AK3: variants seen among roughly 807,000 people sequenced by gnomAD.
AK3 encodes the protein adenylate kinase 3.
Under a neutral mutation model 23.7 loss-of-function variants are expected in AK3, and 27 were observed. The observed-to-expected ratio is 1.14, with a 90% confidence interval of 0.84 to 1.57. The LOEUF (loss-of-function observed/expected upper bound fraction) is 1.57. AK3 is among the 40% of genes most tolerant of loss of function. The pLI is 0.00. For synonymous variants in AK3, 159 were observed against 116.0 expected (o/e 1.37, Z -2.38); for missense variants, 406 against 285.6 (o/e 1.42, Z -3.04).
At chr9:4,741,204 CG>C (rs945145584), upstream of AK3, 1 of 1,170,952 alleles carries the variant, frequency 8.5e-7, no homozygotes, top group African/African-American at 1.6e-5. Context: ...GCGGCTACTG[CG>C]GTTCCCCGGC....
intron 1 of AK3, among the ~76,000 whole-genome samples, chr9:4,727,961 G>C (rs973674244): frequency 2.0e-5 from 3 of 152,078 alleles, no homozygotes; most frequent in Admixed American, 6.6e-5. Flanking sequence ...GCTGGTTAGT[G>C]GAACAGTCAG....
Position 4,722,576 on chromosome 9 carries a change from T to C in AK3, c.201A>G (p.Pro67=). The C allele has an allele frequency of 6.2e-7, 1 of 1,614,228 alleles. No homozygotes were observed. Among genetic ancestry groups the C allele is most frequent in the Non-Finnish European group, 8.5e-7 (1 of 1,180,034 alleles). The change falls in exon 2 of 5, where the codon CCA becomes CCG. Residue 67 remains proline (P), a synonymous_variant. Transcript: ENST00000381809. The part of the protein sequence containing the change: ...KAFIDQGKLI[P]DDVMTRLALH... The stretch of plus-strand genomic sequence containing the variant: ...GGGCCAGCCGAGTCATGACATCATC[T>C]GGGATGAGTTTCCCTTGGTCAATGA...
intron 1 of AK3, among the ~76,000 whole-genome samples, chr9:4,738,234 C>T (rs1400904460): frequency 2.0e-5 from 3 of 152,150 alleles, no homozygotes; most frequent in Admixed American, 6.5e-5. Context: ...GGCGCCATCT[C>T]GGCTCGCTGC....
chr9:4,731,039 G>C (rs1326054779), intron 1 of AK3, among the ~76,000 whole-genome samples: 2 of 152,202 alleles, frequency 1.3e-5, no homozygotes, highest in African/African-American at 4.8e-5. Flanking sequence ...TCTTGTAACT[G>C]TTGATGTTGG....
intron 1 of AK3, among the ~76,000 whole-genome samples, chr9:4,733,232 A>G (rs903302774): frequency 6.6e-6 from 1 of 152,322 alleles, no homozygotes; most frequent in South Asian, 2.1e-4. Flanking sequence ...ATCATTATAA[A>G]TGACATAAAA....
At chr9:4,728,527 T>C (rs971973625) in intron 1 of AK3, among the ~76,000 whole-genome samples, 2 of 152,200 alleles carry the variant, frequency 1.3e-5, no homozygotes, top group Admixed American at 6.5e-5. Flanking sequence ...CCTGAATAGC[T>C]GCCACTGCAC....
At chr9:4,728,858 T>TACACACACACACAC (rs1210103111) in intron 1 of AK3, among the ~76,000 whole-genome samples, 11 of 71,914 alleles carry the variant, frequency 1.5e-4, no homozygotes, top group Non-Finnish European at 3.2e-4. Flanking sequence ...TATATATATA[T>TACACACACACACAC]ATATATATAC....
rs978767069 is a variant in AK3, at chr9:4,712,036, T to C, written c.*940A>G. The C allele has an allele frequency of 2.0e-5, 3 of 152,184 alleles. No individual in the cohort carries two copies. The highest frequency in any genetic ancestry group is 7.2e-5 in the African/African-American group (3 of 41,444). 9.4% of individuals were successfully genotyped at this position (152,184 alleles called of 1,614,324 possible). ...AAGTATGCTTACTTTATTTACATAG[T>C]GCCACGGGTTTCTCTTTTTTCTTCT... is the stretch of plus-strand genomic sequence containing the variant. On this transcript the variant is annotated 3_prime_UTR_variant, in exon 5 of 5. Transcript: ENST00000381809.
intron 4 of AK3, among the ~76,000 whole-genome samples, chr9:4,716,729 G>C (rs1841745625): frequency 6.6e-6 from 1 of 152,130 alleles, no homozygotes; most frequent in Non-Finnish European, 1.5e-5. Flanking sequence ...CCAGGAGTTT[G>C]AGTAGCCCGT....
At chr9:4,731,551 T>C (rs1361041397) in intron 1 of AK3, among the ~76,000 whole-genome samples, 1 of 144,398 alleles carries the variant, frequency 6.9e-6, no homozygotes, top group East Asian at 2.1e-4. Context: ...CTGGAGCCTA[T>C]AATGCTTCAA....
chr9:4,741,539 C>G (rs931070335), upstream of AK3, among the ~76,000 whole-genome samples: 3 of 151,956 alleles, frequency 2.0e-5, no homozygotes, highest in African/African-American at 7.2e-5. Flanking sequence ...CGCGCCCTGT[C>G]CGGCCCATTC....
chr9:4,732,080 G>C (rs1304016740), intron 1 of AK3, among the ~76,000 whole-genome samples: 1 of 151,854 alleles, frequency 6.6e-6, no homozygotes, highest in East Asian at 1.9e-4. Context: ...CTCCCAAGTA[G>C]CTGGGAAAAC....
At position 4,741,115 on chromosome 9, in the gene AK3, G is replaced by C. The variant is rs947664432; in HGVS notation, c.-28C>G. ...CCGCAGACTGAGGCCCGCACCGCGC[G>C]GGTACCAGGGCTTTGGCCTGGCCTG... On this transcript the variant is annotated 5_prime_UTR_variant, in exon 1 of 5. Coordinates refer to ENST00000381809, the MANE Select transcript of AK3 (RefSeq NM_016282.4). 4 of 1,486,294 alleles carry C rather than the reference G, an allele frequency of 2.7e-6. No individual in the cohort carries two copies. The African/African-American group carries it at 5.8e-5, about 22-fold the overall frequency. The allele number at this position is 1,486,294 out of a possible 1,614,324, so 92.1% of individuals were successfully genotyped here.
chr9:4,718,989 T>G lies in AK3; in HGVS notation c.444+146A>C, dbSNP rs1841815537. 6.9e-6 allele frequency: 6 copies of G among 872,332 alleles called. No individual in the cohort carries two copies. The East Asian group carries it at 1.3e-4, about 19-fold the overall frequency. 54.0% of individuals were successfully genotyped at this position (872,332 alleles called of 1,614,324 possible). A position where few individuals can be genotyped will look rare whatever the true frequency, so the allele number is the denominator to read the frequency against. On this transcript the variant is annotated intron_variant, in intron 3 of 4. Coordinates refer to ENST00000381809, the MANE Select transcript of AK3 (RefSeq NM_016282.4). ...CCTTTCGCACCAAGCTCAGTGGACT[T>G]GATCAGTCAACTCTACCAAGTAACC... is the stretch of plus-strand genomic sequence containing the variant.
chr9:4,717,222 C>G (rs957492137), intron 4 of AK3, among the ~76,000 whole-genome samples: 1 of 152,148 alleles, frequency 6.6e-6, no homozygotes, highest in Admixed American at 6.5e-5. Context: ...AGATACTGTT[C>G]TGCCCTGATC....
chr9:4,735,088 A>C (rs1842239082), intron 1 of AK3, among the ~76,000 whole-genome samples: 1 of 151,378 alleles, frequency 6.6e-6, no homozygotes, highest in Non-Finnish European at 1.5e-5. Flanking sequence ...TGATTATTAA[A>C]GAAAAAATAT....
At position 4,723,867 on chromosome 9, in the gene AK3, T is replaced by C. The variant is rs145252442; in HGVS notation, c.152-1242A>G. 6.0e-3 allele frequency among the ~76,000 whole-genome samples: 915 copies of C among 152,330 alleles called. 12 individuals are homozygous for C. Among genetic ancestry groups the C allele is most frequent in the African/African-American group, 0.019 (798 of 41,572 alleles). ...TATTTTACTCCTCTTTGGGATTATT[T>C]CCAATAAATAAATTCCCAGATGTCA... On this transcript the variant is annotated intron_variant, in intron 1 of 4. Transcript: ENST00000381809.
At chr9:4,717,644 G>T (rs569728245) in intron 4 of AK3, among the ~76,000 whole-genome samples, 1 of 152,280 alleles carries the variant, frequency 6.6e-6, no homozygotes, top group South Asian at 2.1e-4. Flanking sequence ...AATAGAAATT[G>T]TACCTCGAGC....
At position 4,722,611 on chromosome 9, in the gene AK3, C is replaced by G. The variant is rs1250902590; in HGVS notation, c.166G>C (p.Ala56Pro). 1.9e-6 allele frequency: 3 copies of G among 1,614,164 alleles called. No individual in the cohort carries two copies. Among genetic ancestry groups the G allele is most frequent in the Admixed American group, 3.3e-5 (2 of 60,018 alleles). The change falls in exon 2 of 5, where the codon GCC becomes CCC. Residue 56 changes from alanine to proline, a missense_variant. By Grantham distance (27) the Ala-to-Pro change is conservative (BLOSUM62 -1). Transcript: ENST00000381809. ...TTCCCTTGGTCAATGAAAGCCTTGG[C>G]TAACACGCCAATTTCTACAGCAAAG... ...MLRGTEIGVL[A>P]KAFIDQGKLI... is the part of the protein sequence containing the mutation.
Sources: allele counts gnomAD v4.1 joint callset (sites outside exome capture counted in the v4.1 genomes callset), GRCh38; gene constraint gnomAD v4.1.1; transcripts MANE v1.5; gene names NCBI Gene and HGNC (gene_info 2026-07-23, HGNC 2026-07-21).